Variants in AHCYL1 observed in about 807,000 individuals in gnomAD.
AHCYL1 encodes S-adenosylhomocysteine hydrolase-like protein 1.
A neutral mutation model predicts 79.3 loss-of-function variants in AHCYL1; 20 were observed. That is an observed-to-expected ratio of 0.25 (90% CI 0.18 to 0.37). The LOEUF is 0.37. AHCYL1 is among the 10% of genes least tolerant of loss of function. AHCYL1 has a pLI of 1.00. For synonymous variants in AHCYL1, 223 were observed against 242.2 expected (o/e 0.92, Z 0.74); for missense variants, 330 against 673.6 (o/e 0.49, Z 5.65).
intron 9 of AHCYL1, 55 bp from the exon 10 acceptor site, chr1:110,017,440 C>G: frequency 6.4e-7 from 1 of 1,553,648 alleles, no homozygotes; most frequent in Non-Finnish European, 8.9e-7. Flanking sequence ...CCTACCTACC[C>G]TAAATATCCA....
intron 1 of AHCYL1, chr1:110,000,987 TAGTA>T (rs751486163): frequency 2.1e-4 from 204 of 983,054 alleles, no homozygotes; most frequent in Non-Finnish European, 2.3e-4. Context: ...TCCACCCTAC[TAGTA>T]AGTGGGATTT....
intron 1 of AHCYL1, among the ~76,000 whole-genome samples, chr1:109,998,848 A>G (rs756129503): frequency 3.9e-5 from 6 of 152,168 alleles, no homozygotes; most frequent in Non-Finnish European, 8.8e-5. Context: ...CAGCTTTATT[A>G]AGGTATAATT....
Position 110,012,402 on chromosome 1 carries a change from G to A in AHCYL1, c.417G>A (p.Gly139=), listed in dbSNP as rs1372326030. ...TTTCACTCAGGAAACGTGCTCAGGGGGAGAAGCCCTTGGCTGGTGCTAAAA... is the reference window on the plus strand; with the variant it reads ...TTTCACTCAGGAAACGTGCTCAGGGAGAGAAGCCCTTGGCTGGTGCTAAAA... ...ALISLRKRAQ[G]EKPLAGAKIV... Residue 139 remains glycine (G), a synonymous_variant, in exon 4 of 17, where the codon GGG becomes GGA. Transcript: ENST00000369799. The A allele has an allele frequency of 6.2e-7, 1 of 1,613,896 alleles. No homozygotes were observed. Among genetic ancestry groups the A allele is most frequent in the South Asian group, 1.1e-5 (1 of 91,034 alleles).
At chr1:109,996,414 C>T (rs2101701424) in intron 1 of AHCYL1, among the ~76,000 whole-genome samples, 1 of 152,326 alleles carries the variant, frequency 6.6e-6, no homozygotes, top group Admixed American at 6.5e-5. Flanking sequence ...CTGTGCTAGG[C>T]ACTTAGGGTG....
intron 6 of AHCYL1, 78 bp downstream of exon 6, chr1:110,014,935 A>G: frequency 7.5e-7 from 1 of 1,334,716 alleles, no homozygotes; most frequent in Non-Finnish European, 1.1e-6. Flanking sequence ...TTCCCTAAAT[A>G]TGTTTTGGAT....
chr1:109,995,038 G>C (rs542120180), intron 1 of AHCYL1, among the ~76,000 whole-genome samples: 1 of 152,102 alleles, frequency 6.6e-6, no homozygotes. Context: ...AAGATTTCCC[G>C]GAGAGAAACA....
At chr1:110,007,675 T>C (rs1331265095) in intron 1 of AHCYL1, among the ~76,000 whole-genome samples, 1 of 152,232 alleles carries the variant, frequency 6.6e-6, no homozygotes, top group Non-Finnish European at 1.5e-5. Flanking sequence ...GATTTTAATC[T>C]GTAGTCATTT....
At position 110,010,187 on chromosome 1, in the gene AHCYL1, T is replaced by C. The variant is rs149761131; in HGVS notation, c.233-1027T>C. Among the ~76,000 whole-genome samples the C allele has an allele frequency of 7.1e-3, 1,085 of 152,350 alleles. 10 individuals carry two copies. Among genetic ancestry groups the C allele is most frequent in the African/African-American group, 0.016 (660 of 41,590 alleles). On this transcript the variant is annotated intron_variant, in intron 2 of 16. Coordinates refer to ENST00000369799, the MANE Select transcript of AHCYL1 (RefSeq NM_006621.7). ...GACTGAAGAAGGCTTTTAAAAAGTC[T>C]TCAAAGATCTTGACGGCCATGTTAC...
rs1052986518 is a variant in AHCYL1 at position 110,018,476 on chromosome 1, T to G, written c.1218+9T>G. On this transcript the variant is annotated intron_variant, in intron 12 of 16. Coordinates refer to ENST00000369799, the MANE Select transcript of AHCYL1 (RefSeq NM_006621.7). ...ACACAGAAATCGATGTGGTAAGGCTTCTCTCATTTGTTGCTAGGCATTTCT... is the reference window on the plus strand; with the variant it reads ...ACACAGAAATCGATGTGGTAAGGCTGCTCTCATTTGTTGCTAGGCATTTCT... 4 of 1,614,116 alleles carry G rather than the reference T, an allele frequency of 2.5e-6. No individual in the cohort carries two copies. The highest frequency in any genetic ancestry group is 3.4e-6 in the Non-Finnish European group (4 of 1,179,994).
chr1:109,995,687 G>C, intron 1 of AHCYL1: 1 of 985,362 alleles, frequency 1.0e-6, no homozygotes, highest in African/African-American at 1.7e-5. Flanking sequence ...TTCTCATTCT[G>C]TGGAAGGAGA....
At chr1:110,002,258 T>C (rs1650357020) in intron 1 of AHCYL1, among the ~76,000 whole-genome samples, 1 of 152,212 alleles carries the variant, frequency 6.6e-6, no homozygotes, top group African/African-American at 2.4e-5. Context: ...TACTCCCTTC[T>C]AAAAGAAAGG....
intron 1 of AHCYL1, among the ~76,000 whole-genome samples, chr1:109,993,403 G>A (rs1557760296): frequency 6.6e-6 from 1 of 152,272 alleles, no homozygotes; most frequent in Admixed American, 6.5e-5. Flanking sequence ...GGCAAAGACC[G>A]TATCTCACAC....
rs773272785 is a variant in AHCYL1, at chr1:110,019,007, A to G, written c.1318-44A>G. ...TTGGCTTGACTTGTATGCCATTGGA[A>G]TCTGAGACAGAGCTCATCCCAGGGC... On this transcript the variant is annotated intron_variant, in intron 13 of 16. Coordinates refer to ENST00000369799, the MANE Select transcript of AHCYL1 (RefSeq NM_006621.7). The G allele has an allele frequency of 2.5e-6, 4 of 1,589,608 alleles. No homozygotes were observed. In the East Asian group the frequency reaches 6.7e-5, roughly 27 times the overall value.
intron 1 of AHCYL1, among the ~76,000 whole-genome samples, chr1:109,994,129 G>A (rs1649902337): frequency 6.6e-6 from 1 of 152,098 alleles, no homozygotes; most frequent in African/African-American, 2.4e-5. Flanking sequence ...CTGGGAACTG[G>A]GCCAATGCTT....
intron 1 of AHCYL1, among the ~76,000 whole-genome samples, chr1:110,001,683 G>A (rs1650322004): frequency 6.6e-6 from 1 of 152,188 alleles, no homozygotes; most frequent in African/African-American, 2.4e-5. Context: ...CCAGAAACCA[G>A]TGAAAATGGG....
chr1:110,016,464 G>A lies in AHCYL1; in HGVS notation c.899+4G>A, dbSNP rs780701110. 2.2e-5 allele frequency: 36 copies of A among 1,610,920 alleles called. No homozygotes were observed. The highest frequency in any genetic ancestry group is 2.8e-5 in the Non-Finnish European group (33 of 1,177,704). ...GCCGAGAATCCATTTTGGATGGGTA[G>A]GTTGAATGTATATATATTCAAACTT... On this transcript the variant is annotated splice_donor_region_variant and intron_variant, in intron 8 of 16. Transcript: ENST00000369799.
intron 8 of AHCYL1, 74 bp downstream of exon 8, chr1:110,016,534 G>A: frequency 6.4e-7 from 1 of 1,555,270 alleles, no homozygotes; most frequent in Non-Finnish European, 8.8e-7. Flanking sequence ...TTATTAGAGG[G>A]ACCATTTCAT....
chr1:109,997,825 C>T (rs889029665), intron 1 of AHCYL1, among the ~76,000 whole-genome samples: 4 of 152,146 alleles, frequency 2.6e-5, no homozygotes, highest in African/African-American at 7.2e-5. Flanking sequence ...TTAGTATAAC[C>T]ACAGGTCAAG....
intron 1 of AHCYL1, among the ~76,000 whole-genome samples, chr1:109,995,290 G>C (rs1353016226): frequency 6.6e-6 from 1 of 152,148 alleles, no homozygotes; most frequent in Non-Finnish European, 1.5e-5. Flanking sequence ...GGGAGCAGGG[G>C]GTTCATAATT....
Sources: gnomAD v4.1 joint callset for allele counts (sites outside exome capture counted in the v4.1 genomes callset) on GRCh38, gnomAD v4.1.1 for gene constraint, MANE v1.5 for transcripts, NCBI Gene and HGNC (gene_info 2026-07-23, HGNC 2026-07-21) for gene names.